VPS13C: variants seen among roughly 807,000 people sequenced by gnomAD.
VPS13C encodes intermembrane lipid transfer protein VPS13C.
A neutral mutation model predicts 456.8 loss-of-function variants in VPS13C; 358 were observed. That is an observed-to-expected ratio of 0.78 (90% confidence interval 0.72 to 0.86). The LOEUF is 0.86. Among genes scored for constraint, VPS13C ranks in the 40% least tolerant of loss-of-function variants. The probability of loss-of-function intolerance (pLI) is 0.00; values close to 1 mark genes in which losing one functional copy is unlikely to be tolerated. For synonymous variants in VPS13C, 1,578 were observed against 1,486.7 expected (o/e 1.06, Z -1.41); for missense variants, 4,818 against 4,385.4 (o/e 1.10, Z -2.79).
intron 73 of VPS13C, chr15:61,879,411 CTGT>C (rs1258403275): frequency 1.3e-5 from 2 of 152,078 alleles, no homozygotes; most frequent in Non-Finnish European, 2.9e-5. Context: ...CCAGGAAAGC[CTGT>C]GGTTAGTTTT....
At chr15:61,933,234 G>T (rs763719902) in intron 49 of VPS13C, among the ~76,000 whole-genome samples, 1 of 152,022 alleles carries the variant, frequency 6.6e-6, no homozygotes, top group Non-Finnish European at 1.5e-5. Flanking sequence ...GCAGAATGAT[G>T]GTACCAAGTA....
chr15:62,048,154 T>C (rs1302112654), intron 1 of VPS13C, among the ~76,000 whole-genome samples: 1 of 151,674 alleles, frequency 6.6e-6, no homozygotes, highest in African/African-American at 2.4e-5. Flanking sequence ...GTGCACAATG[T>C]GCAGGTTTGT....
intron 47 of VPS13C, among the ~76,000 whole-genome samples, chr15:61,938,932 G>A (rs930884517): frequency 5.9e-5 from 9 of 151,924 alleles, no homozygotes; most frequent in African/African-American, 2.2e-4. Flanking sequence ...ATATATAATA[G>A]TATTATATTG....
At chr15:61,883,713 A>G (rs895340777) in intron 68 of VPS13C, among the ~76,000 whole-genome samples, 2 of 152,124 alleles carry the variant, frequency 1.3e-5, no homozygotes, top group Non-Finnish European at 2.9e-5. Flanking sequence ...TTTTTCCTCA[A>G]TGAAATATGT....
At chr15:61,901,198 G>A (rs1566982655) in intron 66 of VPS13C, among the ~76,000 whole-genome samples, 1 of 151,948 alleles carries the variant, frequency 6.6e-6, no homozygotes, top group Non-Finnish European at 1.5e-5. Context: ...ACATAGGCAT[G>A]GGCGAGGACT....
At chr15:62,034,838 G>A in intron 4 of VPS13C, 119 bp downstream of exon 4, 2 of 618,288 alleles carry the variant, frequency 3.2e-6, no homozygotes, top group Non-Finnish European at 5.4e-6. Context: ...ATCTATGTAT[G>A]ATTCATTTAT....
Position 61,991,004 on chromosome 15 carries a change from T to C in VPS13C, c.1574A>G (p.Lys525Arg), listed in dbSNP as rs2046207312. Residue 525 changes from lysine (K) to arginine (R), a missense_variant, in exon 18 of 85, where the codon AAG becomes AGG. By Grantham distance (26) the Lys-to-Arg change is conservative. Transcript: ENST00000644861. ...TTAAACCACTTAAATAATTACCTGCTTAGGTAAAGTTAGGTTGTGGGTACT... is the reference window on the plus strand; with the variant it reads ...TTAAACCACTTAAATAATTACCTGCCTAGGTAAAGTTAGGTTGTGGGTACT... ...SESTHNLTLP[K>R]QYVAHIMTLK... The C allele has an allele frequency of 6.2e-7, 1 of 1,605,448 alleles. No individual in the cohort carries two copies. The highest frequency in any genetic ancestry group is 1.3e-5 in the African/African-American group (1 of 74,556).
chr15:61,931,096 G>A lies in VPS13C; in HGVS notation c.6032C>T (p.Thr2011Ile), dbSNP rs1214478708. Residue 2011 changes from threonine to isoleucine, a missense_variant, in exon 50 of 85, where the codon ACA becomes ATA. By Grantham distance (89) the Thr-to-Ile change is moderately conservative. Transcript: ENST00000644861. ...AAACTCAGAGCTGACAAACCTCGATGTTGCTCTCTCAATTCCTTCTCTGAG... is the reference window on the plus strand; with the variant it reads ...AAACTCAGAGCTGACAAACCTCGATATTGCTCTCTCAATTCCTTCTCTGAG... Reference protein sequence around the residue: ...DDLREGIERATSRMIDRKNDQ... With the variant: ...DDLREGIERAISRMIDRKNDQ... 6.2e-7 allele frequency: 1 copy of A among 1,613,876 alleles called. No homozygotes were observed. The highest frequency in any genetic ancestry group is 8.5e-7 in the Non-Finnish European group (1 of 1,180,016).
chr15:61,927,092 G>T lies in VPS13C; in HGVS notation c.6515C>A (p.Thr2172Lys). 6.2e-7 allele frequency: 1 copy of T among 1,613,458 alleles called. No homozygotes were observed. The highest frequency in any genetic ancestry group is 8.5e-7 in the Non-Finnish European group (1 of 1,179,450). The change falls in exon 52 of 85, where the codon ACA becomes AAA. Residue 2172 changes from threonine to lysine, a missense_variant and splice_region_variant. Physicochemically the swap from Thr to Lys is moderately conservative, Grantham distance 78. Transcript: ENST00000644861. The stretch of plus-strand genomic sequence containing the variant: ...ATTAGGACACAAGGTAATTCTTACT[G>T]TGGTAATGTTTTTCCCTCTCTTTTC... ...LREKRGKNIT[T>K]VLQPCSLFME... is the part of the protein sequence containing the mutation.
At chr15:61,865,835 A>G in intron 81 of VPS13C, 1 of 911,892 alleles carries the variant, frequency 1.1e-6, no homozygotes, top group Non-Finnish European at 1.3e-6. Flanking sequence ...GATAAGTAGA[A>G]TAGTACATCT....
intron 38 of VPS13C, 89 bp from the exon 39 acceptor site, chr15:61,952,069 T>C: frequency 1.4e-6 from 2 of 1,442,570 alleles, no homozygotes; most frequent in Non-Finnish European, 1.9e-6. Flanking sequence ...CAGAGTGATA[T>C]AAGGAAGAAA....
At chr15:61,886,958 C>T (rs1362906552) in intron 67 of VPS13C, among the ~76,000 whole-genome samples, 1 of 152,178 alleles carries the variant, frequency 6.6e-6, no homozygotes, top group South Asian at 2.1e-4. Context: ...CAGCTAACAT[C>T]ATAGTGAGAA....
rs116290654 is a variant in VPS13C at position 61,961,754 on chromosome 15, G to A, written c.3743C>T (p.Pro1248Leu). ...RVSINIDLKAPVIVIPQSSIS... is the reference protein window; with the variant it reads ...RVSINIDLKALVIVIPQSSIS... Reference sequence around the variant, plus strand: ...AGAAGACTGTGGGATGACTATAACCGGTGCTTTCAAATCAATATTGATGGA... The same window carrying A: ...AGAAGACTGTGGGATGACTATAACCAGTGCTTTCAAATCAATATTGATGGA... Residue 1248 changes from proline to leucine, a missense_variant, in exon 35 of 85, where the codon CCG becomes CTG. This residue lies in a region of VPS13C where 4,552 missense variants were observed against 4,130.6 expected (regional missense o/e 1.10). Transcript: ENST00000644861. 1.2e-4 allele frequency: 194 copies of A among 1,613,832 alleles called. No individual in the cohort carries two copies. Among genetic ancestry groups the A allele is most frequent in the Middle Eastern group, 5.0e-4 (3 of 6,058 alleles).
intron 38 of VPS13C, 143 bp downstream of exon 38, chr15:61,954,278 A>AT: frequency 1.2e-6 from 1 of 858,542 alleles, no homozygotes; most frequent in Non-Finnish European, 1.7e-6. Context: ...CAAACTTTCA[A>AT]TTTTTAAAAC....
Position 61,914,878 on chromosome 15 carries a change from T to TAAAAAAAAA in VPS13C, c.8445+746_8445+754dup, listed in dbSNP as rs60910951. On this transcript the variant is annotated intron_variant, in intron 61 of 84. Transcript: ENST00000644861. ...ACCGAGCCTGGCCAAAACTCTGCCTTAAAAAAAAAAAAAAAAAAAAAAAAA... is the reference window on the plus strand; with the variant it reads ...ACCGAGCCTGGCCAAAACTCTGCCTTAAAAAAAAAAAAAAAAAAAAAAAAAAAAAAAAAA... 1.1e-3 allele frequency among the ~76,000 whole-genome samples: 111 copies of TAAAAAAAAA among 102,040 alleles called. 10 individuals carry two copies. Among genetic ancestry groups the TAAAAAAAAA allele is most frequent in the East Asian group, 3.5e-3 (12 of 3,422 alleles). The allele number at this position is 102,040 out of a possible 152,430, so 66.9% of individuals were successfully genotyped here.
At chr15:61,889,693 C>A (rs986898178) in intron 67 of VPS13C, among the ~76,000 whole-genome samples, 1 of 152,124 alleles carries the variant, frequency 6.6e-6, no homozygotes, top group Non-Finnish European at 1.5e-5. Flanking sequence ...ATATCAAATA[C>A]AGCCTCCTCT....
rs750262516 is a variant in VPS13C, at chr15:61,877,098, T to C, written c.10143-44A>G. Reference sequence around the variant, plus strand: ...AAGATTCAAAGATACTAATATTATATGATAAAAAAAGAGACTTAAAATTTG... The same window carrying C: ...AAGATTCAAAGATACTAATATTATACGATAAAAAAAGAGACTTAAAATTTG... On this transcript the variant is annotated intron_variant, in intron 74 of 84. Transcript: ENST00000644861. The C allele has an allele frequency of 2.7e-5, 40 of 1,470,248 alleles. No homozygotes were observed. The South Asian group carries it at 4.6e-4, about 17-fold the overall frequency. The allele number at this position is 1,470,248 out of a possible 1,614,324, so 91.1% of individuals were successfully genotyped here.
chr15:61,937,479 T>C (rs934634372), intron 47 of VPS13C, among the ~76,000 whole-genome samples: 1 of 152,186 alleles, frequency 6.6e-6, no homozygotes, highest in African/African-American at 2.4e-5. Flanking sequence ...TTCTTTTCTT[T>C]TCTTTTCTTT....
intron 66 of VPS13C, among the ~76,000 whole-genome samples, chr15:61,899,601 G>T (rs2042935588): frequency 6.7e-6 from 1 of 148,656 alleles, no homozygotes; most frequent in Non-Finnish European, 1.5e-5. Context: ...AACAGGATCT[G>T]AAATTGTGGC....
Sources: allele counts gnomAD v4.1 joint callset (sites outside exome capture counted in the v4.1 genomes callset), GRCh38; gene constraint gnomAD v4.1.1; regional missense constraint gnomAD v4.1.1; transcripts MANE v1.5; gene names NCBI Gene and HGNC (gene_info 2026-07-23, HGNC 2026-07-21).